Variants in TDO2 observed in about 807,000 individuals in gnomAD.
The protein encoded by TDO2 is tryptamin 2,3-dioxygenase.
In TDO2, 63 loss-of-function variants were observed where a neutral mutation model predicts 61.2. The observed-to-expected ratio is 1.03, with a 90% CI of 0.84 to 1.27. The LOEUF is 1.27. TDO2 is among the 50% of genes most tolerant of loss of function. TDO2 has a pLI of 0.00. For synonymous variants in TDO2, 183 were observed against 164.0 expected, an observed-to-expected ratio of 1.12 and a Z score of -0.89; for missense variants, 494 against 469.5, an observed-to-expected ratio of 1.05 and a Z score of -0.48.
intron 3 of TDO2, 33 bp downstream of exon 3, chr4:155,905,190 A>G: frequency 6.9e-7 from 1 of 1,458,350 alleles, no homozygotes. Context: ...ACAATATTCC[A>G]CAGGCATTTC....
chr4:155,915,814 T>C (rs1175557354), intron 8 of TDO2, 41 bp from the exon 9 acceptor site: 1 of 1,569,750 alleles, frequency 6.4e-7, no homozygotes, highest in Non-Finnish European at 8.7e-7. Context: ...AAAATTACCT[T>C]AAATGACCTA....
Position 155,920,326 on chromosome 4 carries a change from A to G in TDO2, c.*336A>G, listed in dbSNP as rs1743020219. The G allele has an allele frequency of 1.2e-5, 3 of 256,958 alleles. No homozygotes were observed. Among genetic ancestry groups the G allele is most frequent in the Non-Finnish European group, 2.2e-5 (3 of 134,854 alleles). 15.9% of individuals were successfully genotyped at this position (256,958 alleles called of 1,614,324 possible). A position where few individuals can be genotyped will look rare whatever the true frequency, so the allele number is the denominator to read the frequency against. The stretch of plus-strand genomic sequence containing the variant: ...AAACTTCATCTATTTCAAATATTTT[A>G]TGCAGTACATTATATTATTCTGTAC... On this transcript the variant is annotated 3_prime_UTR_variant, in exon 12 of 12. Coordinates refer to ENST00000536354, the MANE Select transcript of TDO2 (RefSeq NM_005651.4).
chr4:155,911,654 A>C, intron 7 of TDO2, 50 bp downstream of exon 7: 1 of 1,244,324 alleles, frequency 8.0e-7, no homozygotes, highest in Non-Finnish European at 1.1e-6. Context: ...AATATTCAAA[A>C]TTTTATTTTA....
intron 9 of TDO2, among the ~76,000 whole-genome samples, chr4:155,916,431 G>C (rs538869315): frequency 6.8e-4 from 1 of 1,472 alleles, no homozygotes; most frequent in South Asian, 0.17. Flanking sequence ...GCCTCCCAAA[G>C]TGCTGGGATT....
At chr4:155,905,311 T>A in intron 3 of TDO2, 154 bp downstream of exon 3, 1 of 635,088 alleles carries the variant, frequency 1.6e-6, no homozygotes, top group Non-Finnish European at 2.7e-6. Context: ...TGAATTCTCA[T>A]AGGACTGATA....
At chr4:155,906,643 G>A (rs879508251) in intron 3 of TDO2, 2 of 152,144 alleles carry the variant, frequency 1.3e-5, no homozygotes, top group Admixed American at 6.5e-5. Flanking sequence ...AAATGGATGA[G>A]TATGAGTAAG....
intron 6 of TDO2, among the ~76,000 whole-genome samples, 200 bp from the exon 7 acceptor site, chr4:155,911,297 A>C (rs541675505): frequency 6.6e-6 from 1 of 152,170 alleles, no homozygotes; most frequent in East Asian, 1.9e-4. Context: ...CCATTGCCAT[A>C]AAAATTAAGA....
intron 11 of TDO2, 121 bp from the exon 12 acceptor site, chr4:155,919,716 A>AAG: frequency 1.3e-6 from 1 of 774,960 alleles, no homozygotes; most frequent in South Asian, 2.2e-5. Flanking sequence ...TACAACATGC[A>AAG]ATATATATTA....
At position 155,908,737 on chromosome 4, in the gene TDO2, C is replaced by T. The variant is rs1742764061; in HGVS notation, c.304-150C>T. ...GAAATTCCTTGCCCACAATTCAGAA[C>T]TGTTATATACTCTTTGCAAATTTTA... On this transcript the variant is annotated intron_variant, in intron 4 of 11. Transcript: ENST00000536354. The T allele has an allele frequency of 3.8e-6, 3 of 795,074 alleles. No individual in the cohort carries two copies. The African/African-American group carries it at 5.4e-5, about 14-fold the overall frequency. The allele number at this position is 795,074 out of a possible 1,614,324, so 49.3% of individuals were successfully genotyped here.
At chr4:155,916,253 C>T (rs1239210946) in intron 9 of TDO2, among the ~76,000 whole-genome samples, 6 of 144,132 alleles carry the variant, frequency 4.2e-5, no homozygotes, top group Non-Finnish European at 7.6e-5. Context: ...CTGCAAGCTC[C>T]GCCTCCCGGG....
chr4:155,907,557 T>G, intron 3 of TDO2, 165 bp from the exon 4 acceptor site: 1 of 569,298 alleles, frequency 1.8e-6, no homozygotes, highest in South Asian at 2.4e-5. Context: ...ATTACAACTT[T>G]AACACTAACA....
rs747341848 is a variant in TDO2, at chr4:155,907,749, T to C, written c.260T>C (p.Leu87Pro). The change falls in exon 4 of 12, where the codon CTC becomes CCC. Residue 87 changes from leucine to proline, a missense_variant. By Grantham distance (98) the Leu-to-Pro change is moderately conservative. Transcript: ENST00000536354. ...QAYELWFKQI[L>P]WELDSVREIF... Reference sequence around the variant, plus strand: ...TATGAACTCTGGTTTAAGCAAATCCTCTGGGAGTTGGATTCTGTTCGAGAG... The same window carrying C: ...TATGAACTCTGGTTTAAGCAAATCCCCTGGGAGTTGGATTCTGTTCGAGAG... The C allele has an allele frequency of 6.2e-6, 10 of 1,613,458 alleles. No homozygotes were observed. Among genetic ancestry groups the C allele is most frequent in the Non-Finnish European group, 8.5e-6 (10 of 1,179,760 alleles).
intron 4 of TDO2, 92 bp from the exon 5 acceptor site, chr4:155,908,795 G>A: frequency 2.8e-6 from 4 of 1,444,406 alleles, no homozygotes; most frequent in Non-Finnish European, 3.7e-6. Context: ...CCAAATTAGA[G>A]ACAAAATTAA....
In TDO2 at chr4:155,904,090, C is replaced by A. The variant is rs1052265671; in HGVS notation, c.108C>A (p.Ser36Arg). ...DKSQTGVNRA[S>R]KGGLIYGNYL... ...CACAAACTGGTGTGAATAGAGCCAG[C>A]AAAGGAGGTCTTATCTATGGGAACT... Residue 36 changes from serine (S) to arginine (R), a missense_variant, in exon 2 of 12, where the codon AGC (serine) becomes AGA (arginine). Physicochemically the swap from Ser to Arg is moderately radical, Grantham distance 110 (BLOSUM62 -1). Transcript: ENST00000536354. The A allele has an allele frequency of 1.9e-6, 3 of 1,614,028 alleles. No homozygotes were observed. The highest frequency in any genetic ancestry group is 2.5e-6 in the Non-Finnish European group (3 of 1,179,980).
At position 155,914,469 on chromosome 4, in the gene TDO2, A is replaced by T. The variant is rs140422558; in HGVS notation, c.838+35A>T. The T allele has an allele frequency of 2.1e-4, 302 of 1,428,066 alleles. No individual in the cohort carries two copies. The African/African-American group carries it at 3.8e-3, about 18-fold the overall frequency. The allele number at this position is 1,428,066 out of a possible 1,614,324, so 88.5% of individuals were successfully genotyped here. On this transcript the variant is annotated intron_variant, in intron 8 of 11. Transcript: ENST00000536354. ...TTTACTTTATGAATCTTTTCCCTGG[A>T]ATGTGTGAATATGAGATCAAGACAT... is the stretch of plus-strand genomic sequence containing the variant.
At chr4:155,903,997 C>G (rs1742672454) in intron 1 of TDO2, 21 bp from the exon 2 acceptor site, 1 of 1,603,386 alleles carries the variant, frequency 6.2e-7, no homozygotes, top group South Asian at 1.1e-5. Context: ...ATTTTTCCCT[C>G]TTGATTTATT....
rs186982427 is a variant in TDO2, at chr4:155,912,877, G to A, written c.726+1273G>A. Among the ~76,000 whole-genome samples, 670 of 152,038 alleles carry A rather than the reference G, an allele frequency of 4.4e-3. 4 individuals are homozygous for A. The highest frequency in any genetic ancestry group is 5.7e-3 in the Non-Finnish European group (385 of 67,936). Reference sequence around the variant, plus strand: ...AACATTTCCCCTTCCATCCACTCTTGTACCAACATTGTCTTCTCTGCATTA... The same window carrying A: ...AACATTTCCCCTTCCATCCACTCTTATACCAACATTGTCTTCTCTGCATTA... On this transcript the variant is annotated intron_variant, in intron 7 of 11. Transcript: ENST00000536354.
intron 3 of TDO2, 29 bp from the exon 4 acceptor site, chr4:155,907,693 T>G (rs1742742402): frequency 6.4e-7 from 1 of 1,559,696 alleles, no homozygotes; most frequent in East Asian, 2.3e-5. Flanking sequence ...CCCATAACTT[T>G]CCAACTGACA....
rs752805525 is a variant in TDO2, at chr4:155,911,622, G to A, written c.726+18G>A. On this transcript the variant is annotated intron_variant, in intron 7 of 11. Transcript: ENST00000536354. ...GGATTCAGGTATTTAGATGACATGA[G>A]TTAATATAAATTCAATACAGAAATA... 13 of 1,425,248 alleles carry A rather than the reference G, an allele frequency of 9.1e-6. No individual in the cohort carries two copies. In the South Asian group the frequency reaches 9.9e-5, roughly 11 times the overall value. 88.3% of individuals were successfully genotyped at this position (1,425,248 alleles called of 1,614,324 possible).
Sources: allele counts gnomAD v4.1 joint callset (sites outside exome capture counted in the v4.1 genomes callset), GRCh38; gene constraint gnomAD v4.1.1; transcripts MANE v1.5; gene names NCBI Gene and HGNC (gene_info 2026-07-23, HGNC 2026-07-21).